Variants in TBC1D2 observed in about 807,000 individuals in gnomAD.
The protein encoded by TBC1D2 is TBC1 domain family member 2A.
Under a neutral mutation model 91.1 loss-of-function variants are expected in TBC1D2, and 58 were observed. That is an observed-to-expected ratio of 0.64 (90% CI 0.52 to 0.79). The LOEUF (loss-of-function observed/expected upper bound fraction) is 0.79. Ranked by LOEUF, TBC1D2 falls within the 30% of genes least tolerant of loss-of-function variation. TBC1D2 has a pLI of 0.00. For missense variants in TBC1D2, 1,080 were observed against 1,208.3 expected (o/e 0.89, Z 1.57); for synonymous variants, 482 against 511.5 (o/e 0.94, Z 0.78).
chr9:98,201,456 C>G (rs1384197917), intron 11 of TBC1D2, 23 bp downstream of exon 11: 1 of 1,606,614 alleles, frequency 6.2e-7, no homozygotes, highest in Non-Finnish European at 8.5e-7. Context: ...GGGCCCCCTG[C>G]CCATCCCCTG....
In TBC1D2 at chr9:98,210,694, C is replaced by T. The variant is rs749547469; in HGVS notation, c.1635G>A (p.Gly545=). The stretch of plus-strand genomic sequence containing the variant: ...GCTCGATGCTGTCAGATGAGGCCTC[C>T]CCAGCTTCCCACTGCAGTGCCTCCT... ...LVQEALQWEA[G]EASSDSIELS... The change falls in exon 8 of 13, where the codon GGG becomes GGA. Residue 545 remains glycine (G), a synonymous_variant. Transcript: ENST00000465784. The T allele has an allele frequency of 6.2e-7, 1 of 1,603,664 alleles. No homozygotes were observed. Among genetic ancestry groups the T allele is most frequent in the Non-Finnish European group, 8.5e-7 (1 of 1,175,248 alleles).
chr9:98,250,236 G>GT (rs1325083570), intron 2 of TBC1D2, among the ~76,000 whole-genome samples: 1 of 152,200 alleles, frequency 6.6e-6, no homozygotes, highest in Non-Finnish European at 1.5e-5. Context: ...CAAGCCCAAG[G>GT]TGGGGACTGG....
At chr9:98,201,442 T>C (rs1458875491) in intron 11 of TBC1D2, 37 bp downstream of exon 11, 1 of 1,596,296 alleles carries the variant, frequency 6.3e-7, no homozygotes, top group Non-Finnish European at 8.6e-7. Flanking sequence ...AGGGACTTGC[T>C]CAGGGGCCCC....
chr9:98,228,843 A>C lies in TBC1D2; in HGVS notation c.978+109T>G. 1 of 1,061,940 alleles carries C rather than the reference A, an allele frequency of 9.4e-7. No homozygotes were observed. The highest frequency in any genetic ancestry group is 1.4e-6 in the Non-Finnish European group (1 of 726,230). The allele number at this position is 1,061,940 out of a possible 1,614,324, so 65.8% of individuals were successfully genotyped here. A position where few individuals can be genotyped will look rare whatever the true frequency, so the allele number is the denominator to read the frequency against. On this transcript the variant is annotated intron_variant, in intron 5 of 12. Transcript: ENST00000465784. The surrounding 1 kb of genome is among the most constrained non-coding windows in gnomAD (Gnocchi z 4.0). ...GCAGTTTGGCCTTTAAAGACCAGAG[A>C]GTAGCTGGTGCCCAGCACGGCTAAT...
chr9:98,206,156 C>T (rs536749252), intron 9 of TBC1D2, among the ~76,000 whole-genome samples: 1 of 151,968 alleles, frequency 6.6e-6, no homozygotes, highest in African/African-American at 2.4e-5. Context: ...CAAGGTTTCA[C>T]CATGTTGGCC....
chr9:98,212,989 G>T, intron 7 of TBC1D2, 119 bp downstream of exon 7: 1 of 1,085,120 alleles, frequency 9.2e-7, no homozygotes, highest in Non-Finnish European at 1.4e-6. Flanking sequence ...GCTCACAAGG[G>T]GTCAGTTCAG....
chr9:98,243,909 C>T, intron 3 of TBC1D2, 85 bp downstream of exon 3: 1 of 1,532,110 alleles, frequency 6.5e-7, no homozygotes, highest in South Asian at 1.2e-5. Context: ...GGGCCCATCT[C>T]CCTGCAGGAG....
rs551511223 is a variant in TBC1D2, at chr9:98,248,482, G to A, written c.511+3303C>T. On this transcript the variant is annotated intron_variant, in intron 2 of 12. Coordinates refer to ENST00000465784, the MANE Select transcript of TBC1D2 (RefSeq NM_001267571.2). Reference sequence around the variant, plus strand: ...GAAGGCGCTGCCTAGACAAAAAAAGGGCCTGACCCAGGAGGTCACTGCCTC... The same window carrying A: ...GAAGGCGCTGCCTAGACAAAAAAAGAGCCTGACCCAGGAGGTCACTGCCTC... Among the ~76,000 whole-genome samples the A allele has an allele frequency of 2.6e-5, 4 of 152,332 alleles. No individual in the cohort carries two copies. The South Asian group carries it at 6.2e-4, about 24-fold the overall frequency.
intron 2 of TBC1D2, among the ~76,000 whole-genome samples, chr9:98,251,153 C>T (rs1829865982): frequency 6.6e-6 from 1 of 152,046 alleles, no homozygotes; most frequent in South Asian, 2.1e-4. Context: ...GGCGTGGTGG[C>T]ACGTGCCTGT....
At chr9:98,218,583 A>G (rs72757981) in intron 6 of TBC1D2, among the ~76,000 whole-genome samples, 1 of 152,024 alleles carries the variant, frequency 6.6e-6, no homozygotes, top group Non-Finnish European at 1.5e-5. Context: ...TAAAAATAAA[A>G]AAAAATAAAA....
At position 98,199,023 on chromosome 9, in the gene TBC1D2, A is replaced by G; in HGVS notation, c.*358T>C. 1 of 344,156 alleles carries G rather than the reference A, an allele frequency of 2.9e-6. No individual in the cohort carries two copies. 21.3% of individuals were successfully genotyped at this position (344,156 alleles called of 1,614,324 possible). A position where few individuals can be genotyped will look rare whatever the true frequency, so the allele number is the denominator to read the frequency against. ...TAACTGAGAACTGTTTAAGTTCCAAAGCTTATGAATGATTTCCACCATTTA... is the reference window on the plus strand; with the variant it reads ...TAACTGAGAACTGTTTAAGTTCCAAGGCTTATGAATGATTTCCACCATTTA... On this transcript the variant is annotated 3_prime_UTR_variant, in exon 13 of 13. Coordinates refer to ENST00000465784, the MANE Select transcript of TBC1D2 (RefSeq NM_001267571.2).
Position 98,213,420 on chromosome 9 carries a change from A to G in TBC1D2, c.1375-202T>C, listed in dbSNP as rs1828899026. 2.9e-6 allele frequency: 4 copies of G among 1,380,952 alleles called. No individual in the cohort carries two copies. The South Asian group carries it at 6.2e-5, about 21-fold the overall frequency. 85.5% of individuals were successfully genotyped at this position (1,380,952 alleles called of 1,614,324 possible). A position where few individuals can be genotyped will look rare whatever the true frequency, so the allele number is the denominator to read the frequency against. Reference sequence around the variant, plus strand: ...GATGTCAGCATGATGTGGTAAAGGGACCAGTAGGTCTGAATTTAAGTCCTG... The same window carrying G: ...GATGTCAGCATGATGTGGTAAAGGGGCCAGTAGGTCTGAATTTAAGTCCTG... On this transcript the variant is annotated intron_variant, in intron 6 of 12. Transcript: ENST00000465784.
chr9:98,207,468 T>C (rs12339152), intron 9 of TBC1D2, among the ~76,000 whole-genome samples: 4,325 of 152,294 alleles, frequency 0.028, 102 homozygotes, highest in Middle Eastern at 0.054. Flanking sequence ...GGAGGGGAGA[T>C]AGCCCTGTGA....
chr9:98,207,596 T>A (rs1052398274), intron 9 of TBC1D2, among the ~76,000 whole-genome samples: 32 of 151,722 alleles, frequency 2.1e-4, no homozygotes, highest in Non-Finnish European at 3.4e-4. Flanking sequence ...AATTTAGAAC[T>A]GGAACATGAG....
intron 5 of TBC1D2, among the ~76,000 whole-genome samples, chr9:98,224,152 G>A (rs1439072013): frequency 6.8e-6 from 1 of 147,760 alleles, no homozygotes; most frequent in Admixed American, 6.8e-5. Context: ...AGCTGAGATC[G>A]CACCACTGCA....
At position 98,203,419 on chromosome 9, in the gene TBC1D2, A is replaced by G; in HGVS notation, c.2151-11T>C. On this transcript the variant is annotated splice_polypyrimidine_tract_variant and intron_variant, in intron 9 of 12. Coordinates refer to ENST00000465784, the MANE Select transcript of TBC1D2 (RefSeq NM_001267571.2). The stretch of plus-strand genomic sequence containing the variant: ...GCAATGGCCGCCAGCCTGGAGTAGT[A>G]GGGAAGGCCTGGAGTGATTACAGAA... The G allele has an allele frequency of 6.2e-7, 1 of 1,613,940 alleles. No homozygotes were observed.
chr9:98,220,471 C>T (rs1588043355), intron 6 of TBC1D2, among the ~76,000 whole-genome samples: 1 of 152,098 alleles, frequency 6.6e-6, no homozygotes, highest in Non-Finnish European at 1.5e-5. Flanking sequence ...TTAGGGCTCT[C>T]GGGTGCACTG....
intron 3 of TBC1D2, 47 bp downstream of exon 3, chr9:98,243,947 G>C: frequency 1.3e-6 from 2 of 1,574,986 alleles, no homozygotes; most frequent in Non-Finnish European, 1.7e-6. Flanking sequence ...CTCCACTGAA[G>C]GGGCTGCCTG....
At position 98,244,140 on chromosome 9, in the gene TBC1D2, A is replaced by T. The variant is rs771025207; in HGVS notation, c.512-11T>A. 6.2e-7 allele frequency: 1 copy of T among 1,612,650 alleles called. No homozygotes were observed. Among genetic ancestry groups the T allele is most frequent in the South Asian group, 1.1e-5 (1 of 90,704 alleles). The stretch of plus-strand genomic sequence containing the variant: ...CTGCCTCTTCTTGCCCTGGGAACAA[A>T]GAAAAGGGAAATCCATCAGCTGGGT... On this transcript the variant is annotated splice_polypyrimidine_tract_variant and intron_variant, in intron 2 of 12. Transcript: ENST00000465784.
Sources: gnomAD v4.1 joint callset for allele counts (sites outside exome capture counted in the v4.1 genomes callset) on GRCh38, gnomAD v4.1.1 for gene constraint, Gnocchi (gnomAD v3.1) non-coding constraint, MANE v1.5 for transcripts, NCBI Gene and HGNC (gene_info 2026-07-23, HGNC 2026-07-21) for gene names.